Variants in LUZP2 observed in about 807,000 individuals in gnomAD.
LUZP2 encodes the protein leucine zipper protein 2.
LUZP2 carries 52 observed loss-of-function variants against 51.6 expected under a neutral mutation model. That is an observed-to-expected ratio of 1.01 (90% confidence interval 0.81 to 1.27). The LOEUF (loss-of-function observed/expected upper bound fraction) is 1.27. LUZP2 is among the 50% of genes most tolerant of loss of function. The pLI is 0.00. For synonymous variants in LUZP2, 154 were observed against 137.3 expected (o/e 1.12, Z -0.85); for missense variants, 436 against 395.4 (o/e 1.10, Z -0.87).
intron 8 of LUZP2, 60 bp from the exon 9 acceptor site, chr11:24,983,066 C>G: frequency 6.5e-7 from 1 of 1,531,894 alleles, no homozygotes. Flanking sequence ...AGGGAGAATG[C>G]AAGCAGATAA....
intron 5 of LUZP2, among the ~76,000 whole-genome samples, chr11:24,795,878 G>A (rs1849533624): frequency 6.6e-6 from 1 of 151,988 alleles, no homozygotes; most frequent in Non-Finnish European, 1.5e-5. Context: ...TGTCTATAGA[G>A]AGCACTGGTG....
chr11:24,617,556 C>T (rs1022723256), intron 1 of LUZP2, among the ~76,000 whole-genome samples: 14 of 152,168 alleles, frequency 9.2e-5, no homozygotes, highest in Admixed American at 5.2e-4. Flanking sequence ...GGCCGTGGCT[C>T]ACGCCTGTAA....
At chr11:24,956,301 T>G (rs1855207473) in intron 7 of LUZP2, among the ~76,000 whole-genome samples, 1 of 151,926 alleles carries the variant, frequency 6.6e-6, no homozygotes, top group Admixed American at 6.6e-5. Flanking sequence ...GGCAAGGAAC[T>G]GATTTTTCCC....
chr11:24,896,674 G>A (rs1181315323), intron 5 of LUZP2, among the ~76,000 whole-genome samples: 1 of 152,238 alleles, frequency 6.6e-6, no homozygotes, highest in East Asian at 1.9e-4. Flanking sequence ...CAAGGGTTGA[G>A]GAGTGCGGGT....
chr11:24,980,821 C>A (rs1237336059), intron 8 of LUZP2, among the ~76,000 whole-genome samples: 2 of 151,468 alleles, frequency 1.3e-5, no homozygotes, highest in African/African-American at 4.8e-5. Flanking sequence ...GTTCTGCAAG[C>A]AGAGGAAGCA....
rs375652218 is a variant in LUZP2, at chr11:24,926,553, ATATG to A, written c.522+12017_522+12020del. Among the ~76,000 whole-genome samples, 1,077 of 146,920 alleles carry A rather than the reference ATATG, an allele frequency of 7.3e-3. 13 individuals are homozygous for A. The highest frequency in any genetic ancestry group is 0.034 in the South Asian group (156 of 4,618). On this transcript the variant is annotated intron_variant, in intron 7 of 11. Transcript: ENST00000336930. ...TGTGTGTATATATATACGTGTATAT[ATATG>A]TGTGTGTATATATATACGTGTATAT...
chr11:24,509,988 T>G (rs1351063184), intron 1 of LUZP2, among the ~76,000 whole-genome samples: 2 of 152,172 alleles, frequency 1.3e-5, no homozygotes, highest in Non-Finnish European at 2.9e-5. Context: ...ATTTTTATAG[T>G]GTTTTAATTT....
intron 9 of LUZP2, among the ~76,000 whole-genome samples, chr11:25,021,374 G>C (rs550984813): frequency 6.6e-6 from 1 of 152,010 alleles, no homozygotes; most frequent in Admixed American, 6.6e-5. Flanking sequence ...GGAAGAAACT[G>C]TTAAAAGTAG....
chr11:24,573,029 G>A (rs1852492450), intron 1 of LUZP2, among the ~76,000 whole-genome samples: 1 of 151,890 alleles, frequency 6.6e-6, no homozygotes, highest in African/African-American at 2.4e-5. Flanking sequence ...CAGCTGATAT[G>A]TAAGCAGAAA....
At chr11:24,634,988 T>C (rs1402482647) in intron 1 of LUZP2, among the ~76,000 whole-genome samples, 1 of 152,108 alleles carries the variant, frequency 6.6e-6, no homozygotes, top group Non-Finnish European at 1.5e-5. Flanking sequence ...TTAGTCATAA[T>C]AATAACGTTA....
chr11:24,961,982 T>G (rs1449664583), intron 7 of LUZP2, among the ~76,000 whole-genome samples: 5 of 151,844 alleles, frequency 3.3e-5, no homozygotes, highest in South Asian at 2.1e-4. Context: ...GTCTGTAAAG[T>G]ATTTTATTTC....
intron 1 of LUZP2, among the ~76,000 whole-genome samples, chr11:24,664,195 A>C (rs2133988228): frequency 6.6e-6 from 1 of 152,252 alleles, no homozygotes; most frequent in African/African-American, 2.4e-5. Context: ...AGACAGGAAG[A>C]TGTGGGAAAG....
intron 7 of LUZP2, among the ~76,000 whole-genome samples, chr11:24,950,706 A>G (rs1855049868): frequency 6.6e-6 from 1 of 151,612 alleles, no homozygotes; most frequent in African/African-American, 2.4e-5. Context: ...AAAGAAAAAA[A>G]GCACCAGTTT....
At chr11:24,882,587 A>C (rs1852507198) in intron 5 of LUZP2, among the ~76,000 whole-genome samples, 2 of 152,066 alleles carry the variant, frequency 1.3e-5, no homozygotes, top group Admixed American at 1.3e-4. Flanking sequence ...CTAACATAAA[A>C]TTCCTTGCTA....
chr11:24,903,229 C>A (rs1260470298), intron 5 of LUZP2, among the ~76,000 whole-genome samples: 2 of 152,068 alleles, frequency 1.3e-5, no homozygotes, highest in East Asian at 3.9e-4. Context: ...ATATCAGATT[C>A]TTTTTAAAAA....
chr11:24,536,163 A>C (rs1851171561), intron 1 of LUZP2, among the ~76,000 whole-genome samples: 1 of 151,862 alleles, frequency 6.6e-6, no homozygotes, highest in Admixed American at 6.6e-5. Flanking sequence ...TTGTATTTTT[A>C]ACATGCCGGC....
At position 24,800,365 on chromosome 11, in the gene LUZP2, G is replaced by A. The variant is rs527674723; in HGVS notation, c.396+37057G>A. ...ACTGTGGTGTCTGTGATGTAGCTTA[G>A]CATTCACTTGCAACTGGGTATATGA... On this transcript the variant is annotated intron_variant, in intron 5 of 11. Transcript: ENST00000336930. Among the ~76,000 whole-genome samples the A allele has an allele frequency of 2.1e-4, 32 of 152,054 alleles. No homozygotes were observed. In the South Asian group the frequency reaches 6.0e-3, roughly 29 times the overall value.
At chr11:24,573,199 A>T (rs1852497762) in intron 1 of LUZP2, among the ~76,000 whole-genome samples, 1 of 152,030 alleles carries the variant, frequency 6.6e-6, no homozygotes, top group South Asian at 2.1e-4. Flanking sequence ...ATTCAAATCA[A>T]CACCTCATAT....
intron 5 of LUZP2, among the ~76,000 whole-genome samples, chr11:24,792,996 T>A (rs918874762): frequency 1.3e-5 from 2 of 152,236 alleles, no homozygotes; most frequent in African/African-American, 4.8e-5. Flanking sequence ...AGATTCATTG[T>A]CTTTCTTTGC....
Sources: allele counts gnomAD v4.1 joint callset (sites outside exome capture counted in the v4.1 genomes callset), GRCh38; gene constraint gnomAD v4.1.1; transcripts MANE v1.5; gene names NCBI Gene and HGNC (gene_info 2026-07-23, HGNC 2026-07-21).